Variants in RBFOX1 observed in about 807,000 individuals in gnomAD.
RBFOX1 encodes the protein RNA binding fox-1 homolog 1.
A neutral mutation model predicts 57.7 loss-of-function variants in RBFOX1; 8 were observed. The observed-to-expected ratio is 0.14, with a 90% CI of 0.08 to 0.25. The LOEUF is 0.25. RBFOX1 is among the 10% of genes least tolerant of loss of function. The probability of loss-of-function intolerance (pLI) is 1.00; values close to 1 mark genes in which losing one functional copy is unlikely to be tolerated. For missense variants in RBFOX1, 611 were observed against 548.5 expected (o/e 1.11, Z -1.14); for synonymous variants, 326 against 222.4 (o/e 1.47, Z -4.15).
At position 6,097,455 on chromosome 16, in the gene RBFOX1, G is replaced by C. The variant is rs895206168; in HGVS notation, c.-127+77463G>C. On this transcript the variant is annotated intron_variant, in intron 1 of 15. Transcript: ENST00000550418. This position sits in a 1 kb window ranked among gnomAD's most constrained non-coding sequence, Gnocchi z 5.0. The stretch of plus-strand genomic sequence containing the variant: ...AGTTTGTGAGAGATGCAGATTCTTG[G>C]TGCCCATCCAAACCTACAGAAGCAG... Among the ~76,000 whole-genome samples the C allele has an allele frequency of 1.3e-5, 2 of 152,128 alleles. No individual in the cohort carries two copies. Among genetic ancestry groups the C allele is most frequent in the Non-Finnish European group, 2.9e-5 (2 of 68,026 alleles).
chr16:5,564,338 C>G (rs776881494), intron 2 of RBFOX1, among the ~76,000 whole-genome samples: 1 of 152,092 alleles, frequency 6.6e-6, no homozygotes, highest in Non-Finnish European at 1.5e-5. Flanking sequence ...TTTCTTTACT[C>G]TTCTGTCATT....
rs139772486 is a variant in RBFOX1 at position 5,994,057 on chromosome 16, T to C, written c.351+126722T>C. Among the ~76,000 whole-genome samples, 11 of 152,312 alleles carry C rather than the reference T, an allele frequency of 7.2e-5. No homozygotes were observed. The East Asian group carries it at 1.9e-3, about 27-fold the overall frequency. ...GATCATGTCTGCACAAAGAGTTAAA[T>C]GATGCAGGATGGGAATGGAGCTATG... On this transcript the variant is annotated intron_variant, in intron 4 of 19. Coordinates refer to the RBFOX1 transcript ENST00000641259.
intron 4 of RBFOX1, among the ~76,000 whole-genome samples, chr16:7,417,693 T>C (rs187379170): frequency 6.6e-6 from 1 of 152,304 alleles, no homozygotes; most frequent in African/African-American, 2.4e-5. Context: ...CCCTGCTCCA[T>C]ATCTCAGGAA....
chr16:6,268,080 G>C (rs1015844276), intron 1 of RBFOX1, among the ~76,000 whole-genome samples: 23 of 152,288 alleles, frequency 1.5e-4, no homozygotes, highest in African/African-American at 5.1e-4. Flanking sequence ...TAATGGCCTT[G>C]CACTGGGTAA....
chr16:6,381,049 G>A (rs1011256490), intron 2 of RBFOX1, among the ~76,000 whole-genome samples: 1 of 152,202 alleles, frequency 6.6e-6, no homozygotes, highest in African/African-American at 2.4e-5. Flanking sequence ...GCAGGTCAGA[G>A]AGGAGATGCC....
At chr16:5,743,182 A>G (rs1178775976) in intron 3 of RBFOX1, among the ~76,000 whole-genome samples, 1 of 152,178 alleles carries the variant, frequency 6.6e-6, no homozygotes, top group African/African-American at 2.4e-5. Context: ...TACATTTTCT[A>G]TTTCTCTTTG....
At chr16:5,407,356 A>G (rs531861986) in intron 1 of RBFOX1, among the ~76,000 whole-genome samples, 2 of 152,132 alleles carry the variant, frequency 1.3e-5, no homozygotes, top group South Asian at 4.2e-4. Context: ...CTGAAAGAAG[A>G]GTAGGAATTA....
intron 14 of RBFOX1, among the ~76,000 whole-genome samples, chr16:7,696,705 T>C (rs1458625955): frequency 1.3e-5 from 2 of 152,056 alleles, no homozygotes; most frequent in Admixed American, 6.6e-5. Context: ...GCAGATAATA[T>C]ATATGCATAG....
Position 7,695,459 on chromosome 16 carries a change from C to A in RBFOX1, c.996-13597C>A, listed in dbSNP as rs143729210. ...ATGAGGGTCAGGAGTCTAAGACCAGCCTGGCCAACATGGTGAAACCCCATC... is the reference window on the plus strand; with the variant it reads ...ATGAGGGTCAGGAGTCTAAGACCAGACTGGCCAACATGGTGAAACCCCATC... On this transcript the variant is annotated intron_variant, in intron 14 of 15. Coordinates refer to ENST00000550418, the MANE Select transcript of RBFOX1 (RefSeq NM_018723.4). Among the ~76,000 whole-genome samples, 81 of 152,124 alleles carry A rather than the reference C, an allele frequency of 5.3e-4. 2 individuals carry two copies. The East Asian group carries it at 0.014, about 27-fold the overall frequency.
At chr16:7,205,064 G>A (rs958097968) in intron 4 of RBFOX1, among the ~76,000 whole-genome samples, 3 of 152,130 alleles carry the variant, frequency 2.0e-5, no homozygotes, top group African/African-American at 7.2e-5. Context: ...TGAGATAGAG[G>A]TAGAAGTTAC....
intron 3 of RBFOX1, among the ~76,000 whole-genome samples, chr16:6,723,346 T>A (rs1483619990): frequency 6.6e-6 from 1 of 152,034 alleles, no homozygotes; most frequent in Non-Finnish European, 1.5e-5. Context: ...CATAGGCAGG[T>A]TATAACATTG....
intron 1 of RBFOX1, among the ~76,000 whole-genome samples, chr16:6,078,395 A>C (rs2095943134): frequency 6.6e-6 from 1 of 151,102 alleles, no homozygotes; most frequent in African/African-American, 2.4e-5. Context: ...CAACCTTATG[A>C]GACGTTTTTG....
At chr16:7,014,347 G>A (rs1048028633) in intron 3 of RBFOX1, among the ~76,000 whole-genome samples, 1 of 151,786 alleles carries the variant, frequency 6.6e-6, no homozygotes, top group Non-Finnish European at 1.5e-5. Context: ...CTAGTAGCCA[G>A]GATTACAGTC....
At chr16:5,322,475 C>T (rs1233054406) in intron 1 of RBFOX1, among the ~76,000 whole-genome samples, 1 of 152,284 alleles carries the variant, frequency 6.6e-6, no homozygotes, top group Non-Finnish European at 1.5e-5. Flanking sequence ...GCCTCTGTGG[C>T]TGCCAGTTTC....
At chr16:7,063,931 C>G (rs1330051794) in intron 4 of RBFOX1, among the ~76,000 whole-genome samples, 3 of 152,094 alleles carry the variant, frequency 2.0e-5, no homozygotes, top group African/African-American at 4.8e-5. Context: ...CATCCATGGA[C>G]TTTGGTATTC....
At chr16:7,279,053 A>G (rs1490503190) in intron 4 of RBFOX1, among the ~76,000 whole-genome samples, 2 of 151,116 alleles carry the variant, frequency 1.3e-5, no homozygotes, top group Non-Finnish European at 2.9e-5. Context: ...GTCCTATTTT[A>G]TCTAATTCTA....
At chr16:6,083,628 C>T (rs985324340) in intron 1 of RBFOX1, among the ~76,000 whole-genome samples, 16 of 152,044 alleles carry the variant, frequency 1.1e-4, no homozygotes, top group African/African-American at 3.6e-4. Flanking sequence ...AGACGTGCGC[C>T]ACCACGCCCA....
chr16:6,894,460 A>G (rs116933481), intron 3 of RBFOX1, among the ~76,000 whole-genome samples: 1,881 of 152,102 alleles, frequency 0.012, 21 homozygotes, highest in Non-Finnish European at 0.02. Flanking sequence ...TTGTGCCTTT[A>G]TTATCTTTTG....
intron 2 of RBFOX1, among the ~76,000 whole-genome samples, chr16:5,514,010 C>A (rs1231475289): frequency 6.6e-6 from 1 of 152,066 alleles, no homozygotes; most frequent in Non-Finnish European, 1.5e-5. Flanking sequence ...AAATTATTTA[C>A]CCAGATACCT....
Sources: gnomAD v4.1 joint callset for allele counts (sites outside exome capture counted in the v4.1 genomes callset) on GRCh38, gnomAD v4.1.1 for gene constraint, Gnocchi (gnomAD v3.1) non-coding constraint, MANE v1.5 for transcripts, NCBI Gene and HGNC (gene_info 2026-07-23, HGNC 2026-07-21) for gene names.